TRIM3: variants seen among roughly 807,000 people sequenced by gnomAD.
TRIM3 encodes tripartite motif-containing protein 3.
TRIM3 carries 13 observed loss-of-function variants against 66.6 expected under a neutral mutation model. That is an observed-to-expected ratio of 0.20 (90% CI 0.13 to 0.31). The LOEUF is 0.31. Ranked by LOEUF, TRIM3 falls within the 10% of genes least tolerant of loss-of-function variation. TRIM3 has a pLI of 1.00. For synonymous variants in TRIM3, 406 were observed against 411.7 expected, an observed-to-expected ratio of 0.99 and a Z score of 0.17; for missense variants, 711 against 1,020.4, an observed-to-expected ratio of 0.70 and a Z score of 4.13.
intron 2 of TRIM3, among the ~76,000 whole-genome samples, chr11:6,464,019 T>C (rs972200125): frequency 3.3e-5 from 5 of 152,096 alleles, no homozygotes; most frequent in African/African-American, 1.2e-4. Flanking sequence ...AAAGTGCGGA[T>C]AGAGGCAGTG....
chr11:6,467,767 T>C (rs1442286359), intron 1 of TRIM3, among the ~76,000 whole-genome samples: 3 of 150,628 alleles, frequency 2.0e-5, no homozygotes, highest in Non-Finnish European at 3.0e-5. Context: ...AGATTCTGTC[T>C]CAAAAAAAAA....
chr11:6,471,548 G>T (rs1361437651), intron 1 of TRIM3, among the ~76,000 whole-genome samples: 2 of 152,164 alleles, frequency 1.3e-5, no homozygotes, highest in African/African-American at 4.8e-5. Flanking sequence ...AACTTCTCTG[G>T]GCACACTGTG....
At chr11:6,452,554 G>T in intron 7 of TRIM3, 1 of 152,052 alleles carries the variant, frequency 6.6e-6, no homozygotes. Context: ...AGTCCTGCAG[G>T]GCTGTTTAAA....
chr11:6,468,263 G>T (rs1850548637), intron 1 of TRIM3, among the ~76,000 whole-genome samples: 1 of 152,232 alleles, frequency 6.6e-6, no homozygotes, highest in Non-Finnish European at 1.5e-5. Context: ...AGGTGGAGCT[G>T]ATTTGGGGCA....
rs1849594843 is a variant in TRIM3 at position 6,448,648 on chromosome 11, G to A, written c.*380C>T. ...GACATTTATTTAATATGGGGGGTGGGGTATTGCTGTCTCTGTCAGTGTGTA... is the reference window on the plus strand; with the variant it reads ...GACATTTATTTAATATGGGGGGTGGAGTATTGCTGTCTCTGTCAGTGTGTA... On this transcript the variant is annotated 3_prime_UTR_variant, in exon 12 of 12. Coordinates refer to ENST00000345851, the MANE Select transcript of TRIM3 (RefSeq NM_033278.4). 3 of 453,414 alleles carry A rather than the reference G, an allele frequency of 6.6e-6. No individual in the cohort carries two copies. The highest frequency in any genetic ancestry group is 2.0e-5 in the African/African-American group (1 of 51,006). 28.1% of individuals were successfully genotyped at this position (453,414 alleles called of 1,614,324 possible). A position where few individuals can be genotyped will look rare whatever the true frequency, so the allele number is the denominator to read the frequency against.
chr11:6,459,493 G>A (rs1850131371), intron 2 of TRIM3, among the ~76,000 whole-genome samples: 1 of 152,218 alleles, frequency 6.6e-6, no homozygotes, highest in Non-Finnish European at 1.5e-5. Flanking sequence ...TATGTGCCAG[G>A]TGCCATGCTT....
In TRIM3 at chr11:6,464,852, C is replaced by T. The variant is rs192537705; in HGVS notation, c.131+713G>A. ...AATACAAAAAGTTAGCTGGGCGTGG[C>T]GGCGTGCGCCTGTAGTCCCAGCTAC... On this transcript the variant is annotated intron_variant, in intron 2 of 11. Transcript: ENST00000345851. Among the ~76,000 whole-genome samples the T allele has an allele frequency of 2.7e-3, 407 of 151,960 alleles. 2 individuals are homozygous for T. The highest frequency in any genetic ancestry group is 9.1e-3 in the African/African-American group (378 of 41,440).
rs138144597 is a variant in TRIM3 at position 6,468,049 on chromosome 11, T to C, written c.-37-2317A>G. ...CTGTAATCCCAGCACTTCGAGAGGC[T>C]GAGGAAGGAGGTTCACTTGAGCTCA... On this transcript the variant is annotated intron_variant, in intron 1 of 11. Coordinates refer to ENST00000345851, the MANE Select transcript of TRIM3 (RefSeq NM_033278.4). 5.9e-5 allele frequency among the ~76,000 whole-genome samples: 9 copies of C among 152,232 alleles called. No homozygotes were observed. In the East Asian group the frequency reaches 1.7e-3, roughly 29 times the overall value.
rs1388311598 is a variant in TRIM3 at position 6,450,870 on chromosome 11, T to A, written c.1870+22A>T. 6.2e-7 allele frequency: 1 copy of A among 1,613,634 alleles called. No individual in the cohort carries two copies. Among genetic ancestry groups the A allele is most frequent in the Non-Finnish European group, 8.5e-7 (1 of 1,179,814 alleles). The stretch of plus-strand genomic sequence containing the variant: ...TCTGGAACAGGGGTATCAGCATAGA[T>A]CTTGGAGCTGTCCCCCTATACCTGC... On this transcript the variant is annotated intron_variant, in intron 9 of 11. Coordinates refer to ENST00000345851, the MANE Select transcript of TRIM3 (RefSeq NM_033278.4). This position sits in a 1 kb window ranked among gnomAD's most constrained non-coding sequence, Gnocchi z 4.8.
rs1299728833 is a variant in TRIM3 at position 6,456,778 on chromosome 11, G to A, written c.948C>T (p.Leu316=). 9.9e-6 allele frequency: 16 copies of A among 1,612,266 alleles called. No individual in the cohort carries two copies. Among genetic ancestry groups the A allele is most frequent in the South Asian group, 1.1e-5 (1 of 91,088 alleles). The change falls in exon 6 of 12, where the codon CTC becomes CTT. Residue 316 remains leucine, a synonymous_variant. Transcript: ENST00000345851. The surrounding 1 kb of genome is among the most constrained non-coding windows in gnomAD (Gnocchi z 6.4). ...RRSVLNLGAL[L]TTSATAHETV... ...TTTCGTGTGCAGTGGCGCTCGTGGT[G>A]AGCAGTGCGCCCAGATTGAGCACCG...
Position 6,457,908 on chromosome 11 carries a change from C to T in TRIM3, c.364-61G>A. The T allele has an allele frequency of 1.2e-5, 19 of 1,599,374 alleles. No homozygotes were observed. Among genetic ancestry groups the T allele is most frequent in the Non-Finnish European group, 1.5e-5 (18 of 1,170,616 alleles). ...ACATCACACTTCTTTGTCCCCTCCC[C>T]ACCTGCCCTCCCTGCCCCTCACCTT... On this transcript the variant is annotated intron_variant, in intron 3 of 11. Transcript: ENST00000345851. The surrounding 1 kb of genome is among the most constrained non-coding windows in gnomAD (Gnocchi z 4.5).
chr11:6,455,997 C>A, intron 7 of TRIM3, 75 bp downstream of exon 7: 1 of 1,431,746 alleles, frequency 7.0e-7, no homozygotes, highest in African/African-American at 1.4e-5. Flanking sequence ...GTGACCTGTA[C>A]ATTCTATCTT....
chr11:6,459,514 T>C (rs965830645), intron 2 of TRIM3, among the ~76,000 whole-genome samples: 1 of 152,188 alleles, frequency 6.6e-6, no homozygotes, highest in Non-Finnish European at 1.5e-5. Context: ...TCTGATTACG[T>C]TTCTGTTAGC....
intron 2 of TRIM3, among the ~76,000 whole-genome samples, chr11:6,461,153 G>C (rs867638110): frequency 3.3e-5 from 5 of 151,996 alleles, no homozygotes; most frequent in African/African-American, 7.2e-5. Context: ...TGATCTGCCC[G>C]TCTCGGCCTC....
intron 7 of TRIM3, among the ~76,000 whole-genome samples, chr11:6,454,616 C>G (rs773533358): frequency 6.6e-6 from 1 of 152,128 alleles, no homozygotes; most frequent in East Asian, 1.9e-4. Context: ...ATTACTCCCC[C>G]GCAATCCCCT....
chr11:6,457,921 T>C lies in TRIM3; in HGVS notation c.364-74A>G. On this transcript the variant is annotated intron_variant, in intron 3 of 11. Transcript: ENST00000345851. The surrounding 1 kb of genome is among the most constrained non-coding windows in gnomAD (Gnocchi z 4.5). The stretch of plus-strand genomic sequence containing the variant: ...TTGTCCCCTCCCCACCTGCCCTCCC[T>C]GCCCCTCACCTTCTAAGTGCACCCC... 1.1e-5 allele frequency: 18 copies of C among 1,587,284 alleles called. No individual in the cohort carries two copies. The South Asian group carries it at 2.1e-4, about 18-fold the overall frequency.
chr11:6,459,734 T>C (rs1218311769), intron 2 of TRIM3, among the ~76,000 whole-genome samples: 1 of 152,216 alleles, frequency 6.6e-6, no homozygotes, highest in Non-Finnish European at 1.5e-5. Context: ...AGGTGTTGTC[T>C]GATTAGATAT....
chr11:6,454,169 A>G, intron 7 of TRIM3, among the ~76,000 whole-genome samples: 1 of 152,188 alleles, frequency 6.6e-6, no homozygotes, highest in East Asian at 1.9e-4. Context: ...GCTTGAGCCT[A>G]GGAGTTCCAG....
rs1485013176 is a variant in TRIM3 at position 6,449,232 on chromosome 11, T to C, written c.2083-52A>G. 4 of 1,608,878 alleles carry C rather than the reference T, an allele frequency of 2.5e-6. No homozygotes were observed. In the South Asian group the frequency reaches 3.3e-5, roughly 13 times the overall value. On this transcript the variant is annotated intron_variant, in intron 11 of 11. Transcript: ENST00000345851. This position sits in a 1 kb window ranked among gnomAD's most constrained non-coding sequence, Gnocchi z 5.3. ...AGAGGCAAGATCAGGCAGATGAGAG[T>C]CTGTTTTGGGGGAACGGGCATATGG...
Sources: allele counts gnomAD v4.1 joint callset (sites outside exome capture counted in the v4.1 genomes callset), GRCh38; gene constraint gnomAD v4.1.1; non-coding constraint Gnocchi (gnomAD v3.1); transcripts MANE v1.5; gene names NCBI Gene and HGNC (gene_info 2026-07-23, HGNC 2026-07-21).